The following SHISAL1 variants were observed in gnomAD, a reference collection of about 807,000 sequenced individuals.
SHISAL1 encodes the protein shisa like 1, also known as protein shisa-like-1.
SHISAL1 carries 9 observed loss-of-function variants against 22.6 expected under a neutral mutation model. The ratio of observed to expected loss-of-function variants is 0.40; its 90% CI spans 0.24 to 0.70. The LOEUF is 0.70. Ranked by LOEUF, SHISAL1 falls within the 30% of genes least tolerant of loss-of-function variation. SHISAL1 has a pLI of 0.39. For missense variants in SHISAL1, 246 were observed against 270.6 expected (o/e 0.91, Z 0.64); for synonymous variants, 119 against 115.4 (o/e 1.03, Z -0.20).
At chr22:44,259,939 T>G (rs1224545625) in intron 4 of SHISAL1, among the ~76,000 whole-genome samples, 1 of 152,204 alleles carries the variant, frequency 6.6e-6, no homozygotes, top group East Asian at 1.9e-4. Flanking sequence ...TACAGGTCGA[T>G]TTGTTTAGAA....
At position 44,247,619 on chromosome 22, in the gene SHISAL1, G is replaced by C. The variant is rs2055012934; in HGVS notation, c.*2066C>G. The C allele has an allele frequency of 6.6e-6, 1 of 152,348 alleles. No individual in the cohort carries two copies. Among genetic ancestry groups the C allele is most frequent in the Non-Finnish European group, 1.5e-5 (1 of 68,126 alleles). 9.4% of individuals were successfully genotyped at this position (152,348 alleles called of 1,614,324 possible). On this transcript the variant is annotated 3_prime_UTR_variant, in exon 5 of 5. Coordinates refer to ENST00000381176, the MANE Select transcript of SHISAL1 (RefSeq NM_001099294.2). ...GGCCTGGGTCTTCCACAGCTGACCT[G>C]TGTGATCCTGGGCAAGCCACTTGAC... is the stretch of plus-strand genomic sequence containing the variant.
intron 4 of SHISAL1, among the ~76,000 whole-genome samples, chr22:44,259,135 G>C (rs1167855685): frequency 6.6e-6 from 1 of 152,198 alleles, no homozygotes; most frequent in Admixed American, 6.5e-5. Flanking sequence ...CAACAGGGTG[G>C]CCACATGGTA....
upstream of SHISAL1, among the ~76,000 whole-genome samples, chr22:44,316,879 T>G (rs1409867138): frequency 6.6e-6 from 1 of 152,154 alleles, no homozygotes; most frequent in African/African-American, 2.4e-5. Flanking sequence ...GAGGGGGAGC[T>G]GGGGGTTGCT....
the SHISAL1 span, among the ~76,000 whole-genome samples, chr22:44,321,516 C>T: frequency 6.6e-6 from 1 of 152,310 alleles, no homozygotes; most frequent in East Asian, 1.9e-4. Flanking sequence ...TCATCACCCA[C>T]ACCTGTGCAT....
chr22:44,305,960 C>T (rs2055468410), intron 1 of SHISAL1, among the ~76,000 whole-genome samples: 1 of 152,238 alleles, frequency 6.6e-6, no homozygotes, highest in South Asian at 2.1e-4. Flanking sequence ...AAGCTGAATC[C>T]TCAGTAGAAA....
At chr22:44,255,827 C>G (rs746936974) in intron 4 of SHISAL1, among the ~76,000 whole-genome samples, 30 of 152,248 alleles carry the variant, frequency 2.0e-4, no homozygotes, top group Non-Finnish European at 2.6e-4. Flanking sequence ...TCTCTCCACT[C>G]CAATGGTAAT....
intron 2 of SHISAL1, among the ~76,000 whole-genome samples, chr22:44,298,258 C>T (rs2055401538): frequency 6.6e-6 from 1 of 152,226 alleles, no homozygotes; most frequent in African/African-American, 2.4e-5. Flanking sequence ...CTGTCTCACC[C>T]CATCTCATTT....
chr22:44,305,247 C>G (rs750891840), intron 1 of SHISAL1, among the ~76,000 whole-genome samples: 1 of 152,220 alleles, frequency 6.6e-6, no homozygotes, highest in East Asian at 1.9e-4. Flanking sequence ...CACTTGCTGA[C>G]CTGCACTCGG....
At chr22:44,293,604 C>T (rs907641142) in intron 3 of SHISAL1, among the ~76,000 whole-genome samples, 1 of 152,184 alleles carries the variant, frequency 6.6e-6, no homozygotes, top group African/African-American at 2.4e-5. Flanking sequence ...TCCAGAATGA[C>T]TAAAGTGATT....
intron 1 of SHISAL1, among the ~76,000 whole-genome samples, chr22:44,307,086 G>A (rs921276791): frequency 1.3e-5 from 2 of 152,200 alleles, no homozygotes; most frequent in Admixed American, 1.3e-4. Context: ...CACAAATGAG[G>A]TCTGTGGGAC....
intron 4 of SHISAL1, among the ~76,000 whole-genome samples, chr22:44,267,913 GC>G (rs1601782886): frequency 6.6e-6 from 1 of 152,258 alleles, no homozygotes; most frequent in African/African-American, 2.4e-5. Flanking sequence ...CCAGCTGAGG[GC>G]CTGTCCTTAT....
intron 4 of SHISAL1, among the ~76,000 whole-genome samples, chr22:44,251,732 G>A (rs2055048950): frequency 2.0e-5 from 3 of 152,166 alleles, no homozygotes; most frequent in Non-Finnish European, 4.4e-5. Flanking sequence ...TTCACCATGA[G>A]AACAGCATGG....
chr22:44,289,460 T>C (rs949605134), intron 3 of SHISAL1, among the ~76,000 whole-genome samples: 1 of 121,788 alleles, frequency 8.2e-6, no homozygotes, highest in Non-Finnish European at 1.7e-5. Flanking sequence ...CAGTGTGTCA[T>C]TGTAAATGTG....
the SHISAL1 span, among the ~76,000 whole-genome samples, chr22:44,322,397 G>T: frequency 6.6e-6 from 1 of 152,122 alleles, no homozygotes; most frequent in Admixed American, 6.5e-5. Context: ...CCCCTTCCCT[G>T]ACCGTGTGCC....
upstream of SHISAL1, among the ~76,000 whole-genome samples, chr22:44,316,044 C>T (rs915436867): frequency 5.9e-5 from 9 of 152,128 alleles, no homozygotes; most frequent in Non-Finnish European, 1.0e-4. Context: ...CTGCAGTGCC[C>T]GTGACAGACC....
rs1002846606 is a variant in SHISAL1 at position 44,253,421 on chromosome 22, G to A, written c.*-3736C>T. Among the ~76,000 whole-genome samples the A allele has an allele frequency of 7.9e-5, 10 of 126,456 alleles. 1 individual carries two copies. The highest frequency in any genetic ancestry group is 6.8e-4 in the Admixed American group (7 of 10,306). 83.0% of individuals were successfully genotyped at this position (126,456 alleles called of 152,430 possible). On this transcript the variant is annotated intron_variant, in intron 4 of 4. Transcript: ENST00000381176. ...GAAAAAGCAGAGTATGCTAGTATTA[G>A]TGCATGTTTTTTTTTTTTTTTTTTT... is the stretch of plus-strand genomic sequence containing the variant.
chr22:44,251,754 C>T (rs769850679), intron 4 of SHISAL1, among the ~76,000 whole-genome samples: 16 of 152,074 alleles, frequency 1.1e-4, no homozygotes, highest in Admixed American at 2.0e-4. Context: ...AAAGACCTGC[C>T]CCCATGATTC....
intron 4 of SHISAL1, among the ~76,000 whole-genome samples, chr22:44,284,551 G>A (rs1418683805): frequency 6.6e-6 from 1 of 152,114 alleles, no homozygotes; most frequent in African/African-American, 2.4e-5. Context: ...CCTGGATGAC[G>A]TGCCCTGAGC....
chr22:44,261,077 TTATATA>T (rs56290835), intron 4 of SHISAL1, among the ~76,000 whole-genome samples: 6 of 108,746 alleles, frequency 5.5e-5, no homozygotes, highest in Admixed American at 2.6e-4. Context: ...CTTCATTACT[TTATATA>T]TATATATATA....
Sources: gnomAD v4.1 joint callset for allele counts (sites outside exome capture counted in the v4.1 genomes callset) on GRCh38, gnomAD v4.1.1 for gene constraint, MANE v1.5 for transcripts, NCBI Gene and HGNC (gene_info 2026-07-23, HGNC 2026-07-21) for gene names.